The following ENOX1 variants were observed in gnomAD, a reference collection of about 807,000 sequenced individuals.
ENOX1 encodes candidate growth-related and time keeping constitutive hydroquinone (NADH) oxidase.
Under a neutral mutation model 82.5 loss-of-function variants are expected in ENOX1, and 42 were observed. That is an observed-to-expected ratio of 0.51 (90% CI 0.40 to 0.66). The LOEUF is 0.66. ENOX1 is among the 30% of genes least tolerant of loss of function. The probability of loss-of-function intolerance (pLI) is 0.00; values close to 1 mark genes in which losing one functional copy is unlikely to be tolerated. For missense variants in ENOX1, 608 were observed against 811.6 expected, an observed-to-expected ratio of 0.75 and a Z score of 3.05; for synonymous variants, 271 against 282.2, an observed-to-expected ratio of 0.96 and a Z score of 0.40.
chr13:43,306,046 G>A (rs887524090), intron 11 of ENOX1, among the ~76,000 whole-genome samples: 6 of 152,224 alleles, frequency 3.9e-5, no homozygotes, highest in African/African-American at 1.4e-4. Flanking sequence ...AAGGGCTCCA[G>A]GAGGGGCCAT....
At chr13:43,769,424 T>A (rs1951463329) in intron 1 of ENOX1, among the ~76,000 whole-genome samples, 1 of 152,064 alleles carries the variant, frequency 6.6e-6, no homozygotes, top group African/African-American at 2.4e-5. Context: ...TAAGTTAATT[T>A]TTTTTTTTAC....
intron 2 of ENOX1, among the ~76,000 whole-genome samples, chr13:43,612,840 C>T (rs2082252727): frequency 1.4e-5 from 2 of 139,136 alleles, no homozygotes. Flanking sequence ...TGTATCACTA[C>T]CTTTCTTACT....
At chr13:43,643,964 C>A (rs908143540) in intron 2 of ENOX1, among the ~76,000 whole-genome samples, 1 of 152,110 alleles carries the variant, frequency 6.6e-6, no homozygotes, top group Admixed American at 6.6e-5. Flanking sequence ...CCATTCCTAT[C>A]GCAAAGCTTT....
intron 9 of ENOX1, among the ~76,000 whole-genome samples, chr13:43,328,936 G>A (rs952140197): frequency 5.3e-5 from 8 of 152,162 alleles, no homozygotes; most frequent in Non-Finnish European, 1.0e-4. Flanking sequence ...TCATAGTCTC[G>A]GAAGAGAAAG....
At chr13:43,388,750 A>G (rs1348582536) in intron 5 of ENOX1, among the ~76,000 whole-genome samples, 1 of 152,192 alleles carries the variant, frequency 6.6e-6, no homozygotes, top group Non-Finnish European at 1.5e-5. Context: ...ATTAGAATGA[A>G]GTGGGACTTG....
chr13:43,640,780 C>T (rs1351824400), intron 2 of ENOX1, among the ~76,000 whole-genome samples: 1 of 152,082 alleles, frequency 6.6e-6, no homozygotes, highest in African/African-American at 2.4e-5. Flanking sequence ...CTGGTGCTCA[C>T]TGACTGAAGA....
At chr13:43,577,194 C>T (rs1362988171) in intron 2 of ENOX1, among the ~76,000 whole-genome samples, 1 of 151,744 alleles carries the variant, frequency 6.6e-6, no homozygotes, top group African/African-American at 2.4e-5. Flanking sequence ...TGCAATGGTG[C>T]GATGTCGGCT....
chr13:43,702,953 CAAAAAAAAAAAAAAAAA>C (rs60810191), intron 1 of ENOX1, among the ~76,000 whole-genome samples: 18 of 51,010 alleles, frequency 3.5e-4, no homozygotes, highest in African/African-American at 1.2e-3. Flanking sequence ...GACTCTGTCT[CAAAAAAAAAAAAAAAAA>C]AAAAAAAAAA....
At chr13:43,750,727 T>C (rs902047758) in intron 1 of ENOX1, among the ~76,000 whole-genome samples, 1 of 152,196 alleles carries the variant, frequency 6.6e-6, no homozygotes, top group Non-Finnish European at 1.5e-5. Flanking sequence ...TACATGTGTA[T>C]GCAGCTACAC....
At chr13:43,757,529 C>T (rs1194690130) in intron 1 of ENOX1, among the ~76,000 whole-genome samples, 2 of 152,122 alleles carry the variant, frequency 1.3e-5, no homozygotes, top group South Asian at 2.1e-4. Flanking sequence ...CTCAACCAGC[C>T]GGCTCTGAGC....
At chr13:43,410,940 G>A (rs1485146753) in intron 5 of ENOX1, among the ~76,000 whole-genome samples, 1 of 152,162 alleles carries the variant, frequency 6.6e-6, no homozygotes, top group Admixed American at 6.5e-5. Flanking sequence ...GACCATACTT[G>A]TCTTGTTTAC....
chr13:43,687,882 C>G (rs2153801625), intron 1 of ENOX1, among the ~76,000 whole-genome samples: 1 of 152,256 alleles, frequency 6.6e-6, no homozygotes, highest in East Asian at 1.9e-4. Context: ...CTCTAGACAA[C>G]ATACCTTTTA....
intron 5 of ENOX1, among the ~76,000 whole-genome samples, chr13:43,361,859 C>T (rs141440315): frequency 4.0e-5 from 6 of 151,802 alleles, no homozygotes; most frequent in African/African-American, 1.2e-4. Context: ...TAATTGTCAA[C>T]GTGGTTTCAT....
chr13:43,590,140 C>T (rs560841532), intron 2 of ENOX1, among the ~76,000 whole-genome samples: 1 of 151,290 alleles, frequency 6.6e-6, no homozygotes, highest in Admixed American at 6.6e-5. Context: ...AGAAAATATC[C>T]AATCAGACAA....
chr13:43,635,781 A>C (rs1258763189), intron 2 of ENOX1, among the ~76,000 whole-genome samples: 1 of 152,156 alleles, frequency 6.6e-6, no homozygotes, highest in African/African-American at 2.4e-5. Flanking sequence ...AGAGAGAGCG[A>C]GCGAGCACAC....
intron 5 of ENOX1, among the ~76,000 whole-genome samples, chr13:43,395,993 CTTAT>C (rs1385247318): frequency 6.6e-6 from 1 of 152,186 alleles, no homozygotes; most frequent in Non-Finnish European, 1.5e-5. Context: ...ACGATGGCCA[CTTAT>C]TTGAGATTTC....
intron 2 of ENOX1, among the ~76,000 whole-genome samples, chr13:43,508,032 C>T (rs1257212777): frequency 6.6e-6 from 1 of 151,822 alleles, no homozygotes; most frequent in Non-Finnish European, 1.5e-5. Flanking sequence ...ATTAAAAGCA[C>T]ATATGAGAGA....
intron 12 of ENOX1, among the ~76,000 whole-genome samples, chr13:43,291,988 G>A (rs535915392): frequency 5.7e-4 from 87 of 152,194 alleles, no homozygotes; most frequent in African/African-American, 2.0e-3. Flanking sequence ...ACACAGCAAT[G>A]AGCAAAGCCA....
At chr13:43,291,743 C>T (rs2046011904) in intron 12 of ENOX1, among the ~76,000 whole-genome samples, 1 of 152,182 alleles carries the variant, frequency 6.6e-6, no homozygotes, top group South Asian at 2.1e-4. Context: ...TTCAAGATGT[C>T]AGAGGCAATG....
Sources: allele counts gnomAD v4.1 joint callset (sites outside exome capture counted in the v4.1 genomes callset), GRCh38; gene constraint gnomAD v4.1.1; transcripts MANE v1.5; gene names NCBI Gene and HGNC (gene_info 2026-07-23, HGNC 2026-07-21).